RGS3: variants seen among roughly 807,000 people sequenced by gnomAD.
The protein encoded by RGS3 is regulator of G-protein signalling 3.
A neutral mutation model predicts 132.6 loss-of-function variants in RGS3; 80 were observed. The observed-to-expected ratio is 0.60, with a 90% CI of 0.50 to 0.73. RGS3 has a LOEUF of 0.73. Among genes scored for constraint, RGS3 ranks in the 30% least tolerant of loss-of-function variants. The pLI, the probability that RGS3 is intolerant of heterozygous loss-of-function variation, is 0.00. For synonymous variants in RGS3, 598 were observed against 620.6 expected (o/e 0.96, Z 0.54); for missense variants, 1,382 against 1,530.8 (o/e 0.90, Z 1.62).
chr9:113,484,744 A>G (rs1830277272), intron 6 of RGS3, among the ~76,000 whole-genome samples: 1 of 152,140 alleles, frequency 6.6e-6, no homozygotes, highest in South Asian at 2.1e-4. Context: ...GGTACCAGCT[A>G]TTATTGTTAT....
chr9:113,595,270 T>C (rs1452354457), intron 23 of RGS3, among the ~76,000 whole-genome samples: 1 of 152,166 alleles, frequency 6.6e-6, no homozygotes, highest in African/African-American at 2.4e-5. Flanking sequence ...CATTTCTACG[T>C]ACTGAGGGCT....
Position 113,507,514 on chromosome 9 carries a change from G to T in RGS3, c.1313G>T (p.Gly438Val). ...AGCTCTGATGGGCTGCTGCTCGGCG[G>T]CTGGGAGCGCTACACCGAGGTGGCC... The change falls in exon 13 of 25, where the codon GGC becomes GTC. Residue 438 changes from glycine (G) to valine (V), a missense_variant. By Grantham distance (109) the Gly-to-Val change is moderately radical. Transcript: ENST00000350696. The surrounding 1 kb of genome is among the most constrained non-coding windows in gnomAD (Gnocchi z 5.0). 6.2e-7 allele frequency: 1 copy of T among 1,608,748 alleles called. No homozygotes were observed. Among genetic ancestry groups the T allele is most frequent in the Non-Finnish European group, 8.5e-7 (1 of 1,177,600 alleles).
intron 3 of RGS3, among the ~76,000 whole-genome samples, chr9:113,467,029 A>G (rs572647631): frequency 5.9e-5 from 9 of 152,004 alleles, no homozygotes; most frequent in Middle Eastern, 3.4e-3. Flanking sequence ...AGTTTAATCC[A>G]TGTTGTAGCA....
chr9:113,553,849 AAAAG>A lies in RGS3; in HGVS notation c.2037+16939_2037+16942del, dbSNP rs1833463430. Among the ~76,000 whole-genome samples the A allele has an allele frequency of 4.6e-5, 7 of 152,332 alleles. No homozygotes were observed. In the South Asian group the frequency reaches 1.0e-3, roughly 23 times the overall value. On this transcript the variant is annotated intron_variant, in intron 19 of 24. Coordinates refer to ENST00000350696, the Ensembl canonical transcript of RGS3. ...CAAGAGAGAAACTCCGTCTCCAAAAAAAAGAAAGAAATATTTTCCATCAGCACCT... is the reference window on the plus strand; with the variant it reads ...CAAGAGAGAAACTCCGTCTCCAAAAAAAAGAAATATTTTCCATCAGCACCT...
intron 18 of RGS3, among the ~76,000 whole-genome samples, chr9:113,533,699 C>T (rs564104358): frequency 5.9e-5 from 9 of 152,240 alleles, no homozygotes; most frequent in African/African-American, 1.2e-4. Flanking sequence ...GGGCCAGGGC[C>T]AGGGCCAGCT....
rs749346956 is a variant in RGS3, at chr9:113,583,564, C to T, written c.2152C>T (p.Pro718Ser). The T allele has an allele frequency of 1.9e-6, 3 of 1,614,076 alleles. No homozygotes were observed. In the South Asian group the frequency reaches 3.3e-5, roughly 18 times the overall value. The change falls in exon 20 of 25, where the codon CCA becomes TCA. Residue 718 changes from proline (P) to serine (S), a missense_variant. Pro to Ser is a moderately conservative substitution (Grantham distance 74, BLOSUM62 -1). Transcript: ENST00000350696. ...GCCCTCTCCTGGCCAGGAGCTTCCT[C>T]CAGGACAAGACCTTCCACCCAACAA...
chr9:113,594,093 G>C (rs12350531), intron 21 of RGS3: 1,127,291 of 1,612,782 alleles, frequency 0.7, 395,666 homozygotes, highest in East Asian at 0.85. Flanking sequence ...GGCTCCTCCT[G>C]TCTGAGTCCC....
intron 19 of RGS3, chr9:113,581,996 C>T: frequency 3.0e-6 from 3 of 984,490 alleles, no homozygotes; most frequent in Non-Finnish European, 3.6e-6. Context: ...CAGGGCTCCA[C>T]TTTCACTTTC....
chr9:113,505,809 G>A (rs965628066), intron 11 of RGS3, among the ~76,000 whole-genome samples: 6 of 152,158 alleles, frequency 3.9e-5, no homozygotes, highest in Non-Finnish European at 8.8e-5. Flanking sequence ...ATGGCTGCAA[G>A]GGAAAATGAG....
In RGS3 at chr9:113,514,536, T is replaced by C. The variant is rs764142572; in HGVS notation, c.1556T>C (p.Met519Thr). 7.4e-6 allele frequency: 12 copies of C among 1,614,036 alleles called. No individual in the cohort carries two copies. In the Admixed American group the frequency reaches 1.8e-4, roughly 25 times the overall value. Residue 519 changes from methionine (M) to threonine (T), a missense_variant, in exon 15 of 25, where the codon ATG becomes ACG. Physicochemically the swap from Met to Thr is moderately conservative, Grantham distance 81. Coordinates refer to ENST00000350696, the Ensembl canonical transcript of RGS3. ...CGGCTGATGAAGACAGTGCAGACCA[T>C]GAAGGGCCACGGGAACTACCAAAAC...
At chr9:113,466,946 T>C (rs1057069903) in intron 3 of RGS3, among the ~76,000 whole-genome samples, 2 of 152,310 alleles carry the variant, frequency 1.3e-5, no homozygotes, top group African/African-American at 4.8e-5. Flanking sequence ...TTGCCTGTTC[T>C]GGACATTTCA....
At chr9:113,541,326 C>T (rs1384613490) in intron 19 of RGS3, 2 of 1,613,148 alleles carry the variant, frequency 1.2e-6, no homozygotes, top group Non-Finnish European at 1.7e-6. Context: ...ACAGAAACTC[C>T]ACCCTTTCGG....
At chr9:113,528,955 G>A (rs796740773) in intron 17 of RGS3, among the ~76,000 whole-genome samples, 9 of 152,354 alleles carry the variant, frequency 5.9e-5, no homozygotes, top group African/African-American at 2.2e-4. Flanking sequence ...AGAGGGTGCT[G>A]CTGGCTACCT....
At chr9:113,446,357 G>A (rs1476714868) in intron 1 of RGS3, among the ~76,000 whole-genome samples, 1 of 152,168 alleles carries the variant, frequency 6.6e-6, no homozygotes, top group African/African-American at 2.4e-5. Flanking sequence ...GAGAAATGGT[G>A]GAGAGTCATT....
At chr9:113,568,178 G>T (rs991108691) in intron 19 of RGS3, among the ~76,000 whole-genome samples, 1 of 152,252 alleles carries the variant, frequency 6.6e-6, no homozygotes, top group African/African-American at 2.4e-5. Context: ...AAGAACTCAG[G>T]TTCCCCTGCC....
chr9:113,594,046 T>G (rs777444050), intron 21 of RGS3: 1 of 1,612,996 alleles, frequency 6.2e-7, no homozygotes, highest in East Asian at 2.2e-5. Flanking sequence ...GAAGGAATTT[T>G]TTTTTCCGCT....
chr9:113,480,026 C>T lies in RGS3; in HGVS notation c.466+485C>T, dbSNP rs7864169. 8.8e-3 allele frequency among the ~76,000 whole-genome samples: 1,340 copies of T among 152,268 alleles called. 20 individuals carry two copies. The highest frequency in any genetic ancestry group is 0.031 in the African/African-American group (1,275 of 41,540). ...TTGTTGAGTGGCCTTGAACAAGCTC[C>T]GTTTTCTCATCTGTCAAGTAGTGGT... On this transcript the variant is annotated intron_variant, in intron 4 of 24. Transcript: ENST00000350696.
At chr9:113,453,398 CATT>C (rs1462009728) in intron 1 of RGS3, among the ~76,000 whole-genome samples, 5 of 52,062 alleles carry the variant, frequency 9.6e-5, no homozygotes, top group African/African-American at 1.6e-4. Flanking sequence ...ATAATATACT[CATT>C]ATATGATTAT....
intron 17 of RGS3, among the ~76,000 whole-genome samples, chr9:113,524,547 G>T (rs1178649692): frequency 6.6e-6 from 1 of 152,240 alleles, no homozygotes; most frequent in Non-Finnish European, 1.5e-5. Flanking sequence ...TACAATTTGG[G>T]TGGAGGTGGA....
Sources: gnomAD v4.1 joint callset for allele counts (sites outside exome capture counted in the v4.1 genomes callset) on GRCh38, gnomAD v4.1.1 for gene constraint, Gnocchi (gnomAD v3.1) non-coding constraint, MANE v1.5 for transcripts, NCBI Gene and HGNC (gene_info 2026-07-23, HGNC 2026-07-21) for gene names.